BABAM2: variants seen among roughly 807,000 people sequenced by gnomAD.
The protein encoded by BABAM2 is BRISC and BRCA1 A complex member 2.
A neutral mutation model predicts 54.7 loss-of-function variants in BABAM2; 31 were observed. The ratio of observed to expected loss-of-function variants is 0.57; its 90% CI spans 0.43 to 0.77. The LOEUF (loss-of-function observed/expected upper bound fraction) is 0.77, where lower values mean the gene tolerates loss of function less well. Ranked by LOEUF, BABAM2 falls within the 30% of genes least tolerant of loss-of-function variation. The pLI is 0.00. For missense variants in BABAM2, 364 were observed against 455.8 expected, an observed-to-expected ratio of 0.80 and a Z score of 1.83; for synonymous variants, 167 against 162.9, an observed-to-expected ratio of 1.03 and a Z score of -0.19.
rs1025728014 is a variant in BABAM2 at position 28,338,644 on chromosome 2, G to A, written c.*131G>A. On this transcript the variant is annotated 3_prime_UTR_variant, in exon 12 of 12. Transcript: ENST00000379624. Reference sequence around the variant, plus strand: ...TTTGCTCACACAGCAGCTTTTGCACGCCCCAGGCAGCCCCGACTGCTGAAA... The same window carrying A: ...TTTGCTCACACAGCAGCTTTTGCACACCCCAGGCAGCCCCGACTGCTGAAA... The A allele has an allele frequency of 1.5e-5, 15 of 1,011,350 alleles. No homozygotes were observed. Among genetic ancestry groups the A allele is most frequent in the Admixed American group, 4.0e-5 (2 of 50,084 alleles). 62.6% of individuals were successfully genotyped at this position (1,011,350 alleles called of 1,614,324 possible).
upstream of BABAM2, chr2:27,890,581 G>A (rs886490538): frequency 4.2e-5 from 21 of 497,568 alleles, no homozygotes; most frequent in Non-Finnish European, 6.1e-5. This position sits in a 1 kb window ranked among gnomAD's most constrained non-coding sequence, Gnocchi z 4.8. Context: ...GAGACTCCGC[G>A]CTCCTCGTCA....
chr2:28,248,211 T>TTCTTTTTTTTTTC lies in BABAM2; in HGVS notation c.934+3350_934+3351insCTTTTTTTTTTCT, dbSNP rs1553349514. Among the ~76,000 whole-genome samples the TTCTTTTTTTTTTC allele has an allele frequency of 4.4e-3, 524 of 120,030 alleles. 9 individuals are homozygous for TTCTTTTTTTTTTC. The highest frequency in any genetic ancestry group is 0.015 in the African/African-American group (504 of 33,646). 78.7% of individuals were successfully genotyped at this position (120,030 alleles called of 152,430 possible). On this transcript the variant is annotated intron_variant, in intron 10 of 11. Coordinates refer to ENST00000379624, the MANE Select transcript of BABAM2 (RefSeq NM_199191.3). ...GCTTTTGTTTATTTTCTTTTTCTTT[T>TTCTTTTTTTTTTC]TTTTTTTTTTTTTTTGAGACGGAGT... is the stretch of plus-strand genomic sequence containing the variant.
intron 6 of BABAM2, among the ~76,000 whole-genome samples, chr2:28,094,790 A>G (rs927121409): frequency 6.6e-6 from 1 of 150,386 alleles, no homozygotes; most frequent in Non-Finnish European, 1.5e-5. Flanking sequence ...ATATGTTCTC[A>G]TTTATTCTCT....
At chr2:28,256,006 A>G (rs1191835737) in intron 10 of BABAM2, among the ~76,000 whole-genome samples, 1 of 152,160 alleles carries the variant, frequency 6.6e-6, no homozygotes, top group Non-Finnish European at 1.5e-5. Context: ...TTTGTGCCAA[A>G]GATTCCTTTG....
intron 4 of BABAM2, among the ~76,000 whole-genome samples, chr2:28,007,312 G>A (rs1477405978): frequency 4.0e-5 from 6 of 151,874 alleles, no homozygotes; most frequent in Admixed American, 1.3e-4. Context: ...ACATATTATC[G>A]TTAAATTTAT....
intron 11 of BABAM2, among the ~76,000 whole-genome samples, chr2:28,338,125 G>A (rs1272719890): frequency 1.3e-5 from 2 of 152,218 alleles, no homozygotes; most frequent in South Asian, 2.1e-4. Context: ...CACACACACT[G>A]TCTTGTAGCT....
At chr2:28,065,199 G>A (rs766452367) in intron 6 of BABAM2, among the ~76,000 whole-genome samples, 14 of 152,234 alleles carry the variant, frequency 9.2e-5, no homozygotes, top group Middle Eastern at 3.4e-3. Flanking sequence ...GTTCATAAGT[G>A]TGAGGTCTAA....
intron 7 of BABAM2, among the ~76,000 whole-genome samples, chr2:28,200,923 C>T (rs1678197262): frequency 1.3e-5 from 2 of 152,114 alleles, no homozygotes; most frequent in Admixed American, 1.3e-4. Flanking sequence ...TGCGCACCAC[C>T]ACACCTGGCT....
At chr2:28,212,606 T>C (rs1461635928) in intron 7 of BABAM2, among the ~76,000 whole-genome samples, 7 of 152,194 alleles carry the variant, frequency 4.6e-5, no homozygotes, top group Non-Finnish European at 7.3e-5. Context: ...TTAAAAGTAG[T>C]TTTTTAGGCC....
At chr2:28,267,424 GAC>G (rs1050541833) in intron 10 of BABAM2, among the ~76,000 whole-genome samples, 1 of 146,794 alleles carries the variant, frequency 6.8e-6, no homozygotes, top group Non-Finnish European at 1.5e-5. Flanking sequence ...ACACTGACTA[GAC>G]ACACACACAC....
At chr2:28,055,225 A>T (rs1206383372) in intron 6 of BABAM2, among the ~76,000 whole-genome samples, 1 of 152,200 alleles carries the variant, frequency 6.6e-6, no homozygotes, top group African/African-American at 2.4e-5. Flanking sequence ...GTATATGTGG[A>T]TACAAAAAAG....
At chr2:27,990,908 A>G (rs987957832) in intron 4 of BABAM2, among the ~76,000 whole-genome samples, 8 of 152,114 alleles carry the variant, frequency 5.3e-5, no homozygotes, top group African/African-American at 1.4e-4. Flanking sequence ...CATAAGGTTA[A>G]TAGGAATATG....
intron 5 of BABAM2, among the ~76,000 whole-genome samples, chr2:28,033,405 G>A (rs1428915597): frequency 1.3e-5 from 2 of 152,082 alleles, no homozygotes; most frequent in African/African-American, 2.4e-5. Context: ...AAGTTGAGAA[G>A]TCCTAGGTTG....
chr2:28,063,389 C>T (rs1366656393), intron 6 of BABAM2, among the ~76,000 whole-genome samples: 4 of 152,116 alleles, frequency 2.6e-5, no homozygotes, highest in Admixed American at 2.0e-4. Context: ...TTACTTAACG[C>T]ATTATACTCA....
chr2:27,996,064 G>A (rs1292548501), intron 4 of BABAM2, among the ~76,000 whole-genome samples: 1 of 152,008 alleles, frequency 6.6e-6, no homozygotes, highest in Non-Finnish European at 1.5e-5. Context: ...TTTAATATCT[G>A]GAATATCCTT....
intron 3 of BABAM2, among the ~76,000 whole-genome samples, chr2:27,947,667 T>C (rs1483947708): frequency 6.6e-6 from 1 of 152,196 alleles, no homozygotes; most frequent in East Asian, 1.9e-4. Context: ...TTTATTGTCT[T>C]AACGAAACTG....
At chr2:28,314,038 A>G (rs570207912) in intron 11 of BABAM2, among the ~76,000 whole-genome samples, 1 of 152,336 alleles carries the variant, frequency 6.6e-6, no homozygotes, top group East Asian at 1.9e-4. Flanking sequence ...TCATTATTCC[A>G]GGTATCCAGA....
At chr2:28,178,856 A>G (rs538721469) in intron 7 of BABAM2, among the ~76,000 whole-genome samples, 2 of 152,248 alleles carry the variant, frequency 1.3e-5, no homozygotes, top group East Asian at 3.9e-4. Context: ...TTCTATTATG[A>G]GCAACTATAT....
upstream of BABAM2, chr2:27,890,019 A>G: frequency 2.2e-6 from 1 of 459,154 alleles, no homozygotes; most frequent in Non-Finnish European, 3.9e-6. The surrounding 1 kb of genome is among the most constrained non-coding windows in gnomAD (Gnocchi z 4.8). Flanking sequence ...TTTGAGTAAT[A>G]TTAGAGCTTT....
Sources: gnomAD v4.1 joint callset for allele counts (sites outside exome capture counted in the v4.1 genomes callset) on GRCh38, gnomAD v4.1.1 for gene constraint, Gnocchi (gnomAD v3.1) non-coding constraint, MANE v1.5 for transcripts, NCBI Gene and HGNC (gene_info 2026-07-23, HGNC 2026-07-21) for gene names.